MROH2A: variants seen among roughly 807,000 people sequenced by gnomAD.
MROH2A encodes the protein maestro heat-like repeat-containing protein family member 2A.
In MROH2A, 174 loss-of-function variants were observed where a neutral mutation model predicts 200.4. The ratio of observed to expected loss-of-function variants is 0.87; its 90% CI spans 0.77 to 0.98. The LOEUF (loss-of-function observed/expected upper bound fraction) is 0.98, where lower values mean the gene tolerates loss of function less well. Among genes scored for constraint, MROH2A ranks in the 50% least tolerant of loss-of-function variants. The pLI is 0.00. For synonymous variants in MROH2A, 829 were observed against 840.4 expected (o/e 0.99, Z 0.23); for missense variants, 2,045 against 2,139.6 (o/e 0.96, Z 0.87).
At chr2:233,819,752 C>G (rs1340035906) in intron 30 of MROH2A, 150 bp from the exon 31 acceptor site, 1 of 891,714 alleles carries the variant, frequency 1.1e-6, no homozygotes, top group Non-Finnish European at 1.7e-6. Flanking sequence ...GAGGCAGAGA[C>G]CAGAGGATGC....
chr2:233,827,194 C>T (rs1273645006), intron 35 of MROH2A, among the ~76,000 whole-genome samples: 1 of 152,216 alleles, frequency 6.6e-6, no homozygotes, highest in Non-Finnish European at 1.5e-5. Flanking sequence ...ACCAAAAATA[C>T]CATCTGACCC....
intron 15 of MROH2A, among the ~76,000 whole-genome samples, chr2:233,802,813 C>G (rs1453213039): frequency 1.3e-5 from 2 of 152,232 alleles, no homozygotes; most frequent in African/African-American, 2.4e-5. Flanking sequence ...CCAAGGGCAT[C>G]GCTGGTGATG....
chr2:233,805,774 G>A (rs920490423), intron 19 of MROH2A, among the ~76,000 whole-genome samples: 1 of 152,108 alleles, frequency 6.6e-6, no homozygotes, highest in African/African-American at 2.4e-5. Flanking sequence ...CACATTTATG[G>A]GTAATTTATT....
At position 233,828,967 on chromosome 2, in the gene MROH2A, C is replaced by T. The variant is rs765580110; in HGVS notation, c.4341C>T (p.Ala1447=). 2.8e-5 allele frequency: 44 copies of T among 1,550,384 alleles called. No homozygotes were observed. Among genetic ancestry groups the T allele is most frequent in the Non-Finnish European group, 3.6e-5 (41 of 1,146,978 alleles). ...AGCCCGTGAGCAACAGCGTGACTGC[C>T]GAGGGCATGGAGGCCCTGACCAAGA... ...LREPVSNSVT[A]EGMEALTKIL... Residue 1447 remains alanine, a synonymous_variant, in exon 37 of 42, where the codon GCC becomes GCT. Transcript: ENST00000389758. The surrounding 1 kb of genome is among the most constrained non-coding windows in gnomAD (Gnocchi z 4.6).
chr2:233,794,287 G>A, intron 7 of MROH2A, 76 bp from the exon 8 acceptor site: 13 of 1,108,476 alleles, frequency 1.2e-5, no homozygotes, highest in Non-Finnish European at 1.6e-5. Context: ...CTTGGATTCT[G>A]TGGCTGGGGC....
At chr2:233,789,752 C>T (rs919050173) in intron 4 of MROH2A, 100 bp from the exon 5 acceptor site, 3 of 1,478,424 alleles carry the variant, frequency 2.0e-6, no homozygotes, top group Non-Finnish European at 2.7e-6. Flanking sequence ...AAGGCTGAGC[C>T]CAAGGGAACC....
chr2:233,794,783 T>C (rs1702001574), intron 8 of MROH2A, among the ~76,000 whole-genome samples: 1 of 152,204 alleles, frequency 6.6e-6, no homozygotes, highest in South Asian at 2.1e-4. Context: ...TTAGGGTTGC[T>C]GTAACAAAGA....
In MROH2A at chr2:233,807,368, C is replaced by T. The variant is rs537392954; in HGVS notation, c.2053-55C>T. On this transcript the variant is annotated intron_variant, in intron 19 of 41. Coordinates refer to ENST00000389758, the MANE Select transcript of MROH2A (RefSeq NM_001394639.1). This position sits in a 1 kb window ranked among gnomAD's most constrained non-coding sequence, Gnocchi z 4.3. ...TAGAAAACTCTCTACAACAGCACCC[C>T]CTGAAGGCTGGCTGTAGGGAGGCCT... 2 of 1,510,250 alleles carry T rather than the reference C, an allele frequency of 1.3e-6. No individual in the cohort carries two copies. The highest frequency in any genetic ancestry group is 1.8e-6 in the Non-Finnish European group (2 of 1,124,902). The allele number at this position is 1,510,250 out of a possible 1,614,324, so 93.6% of individuals were successfully genotyped here. A position where few individuals can be genotyped will look rare whatever the true frequency, so the allele number is the denominator to read the frequency against.
intron 35 of MROH2A, among the ~76,000 whole-genome samples, chr2:233,826,033 T>C (rs1704284575): frequency 6.7e-6 from 1 of 148,520 alleles, no homozygotes; most frequent in Non-Finnish European, 1.5e-5. Flanking sequence ...CAAGCAATTC[T>C]CCTGCCTCAG....
intron 11 of MROH2A, among the ~76,000 whole-genome samples, chr2:233,798,131 C>G (rs1173596361): frequency 6.6e-6 from 1 of 152,196 alleles, no homozygotes; most frequent in East Asian, 1.9e-4. Flanking sequence ...TCCATCCACA[C>G]CAGCCCTCTC....
intron 26 of MROH2A, among the ~76,000 whole-genome samples, chr2:233,816,003 T>A (rs1012531349): frequency 1.3e-5 from 2 of 152,222 alleles, no homozygotes; most frequent in African/African-American, 4.8e-5. Context: ...CGAGAATCTT[T>A]CTGGTTTGGA....
In MROH2A at chr2:233,800,253, G is replaced by A. The variant is rs1401463013; in HGVS notation, c.1498G>A (p.Val500Ile). 7.1e-6 allele frequency: 11 copies of A among 1,550,138 alleles called. No homozygotes were observed. Among genetic ancestry groups the A allele is most frequent in the African/African-American group, 1.4e-5 (1 of 73,032 alleles). Residue 500 changes from valine to isoleucine, a missense_variant, in exon 14 of 42, where the codon GTC becomes ATC. Val to Ile is a conservative substitution (Grantham distance 29). This residue lies in a region of MROH2A where 831 missense variants were observed against 800.0 expected (regional missense o/e 1.04). Transcript: ENST00000389758. ...FYQRDLEERMVHKVTMDTVKI... is the reference protein window; with the variant it reads ...FYQRDLEERMIHKVTMDTVKI... ...TCAGAGGGACTTGGAGGAGAGGATG[G>A]TCCACAAAGTCACCATGGACACTGT...
In MROH2A at chr2:233,816,913, C is replaced by A. The variant is rs369317554; in HGVS notation, c.2961+28C>A. On this transcript the variant is annotated intron_variant, in intron 27 of 41. Coordinates refer to ENST00000389758, the MANE Select transcript of MROH2A (RefSeq NM_001394639.1). Reference sequence around the variant, plus strand: ...GAGTCCAGGAGTCCCCAGCCCCCAGCCTGCTGCTCTGACATGCACAGAAAA... The same window carrying A: ...GAGTCCAGGAGTCCCCAGCCCCCAGACTGCTGCTCTGACATGCACAGAAAA... 171 of 1,361,844 alleles carry A rather than the reference C, an allele frequency of 1.3e-4. 2 individuals are homozygous for A. Among genetic ancestry groups the A allele is most frequent in the South Asian group, 1.2e-3 (97 of 79,096 alleles). The allele number at this position is 1,361,844 out of a possible 1,614,324, so 84.4% of individuals were successfully genotyped here. A position where few individuals can be genotyped will look rare whatever the true frequency, so the allele number is the denominator to read the frequency against.
chr2:233,818,557 C>T (rs1703707983), intron 28 of MROH2A, 95 bp from the exon 29 acceptor site: 1 of 780,458 alleles, frequency 1.3e-6, no homozygotes, highest in Non-Finnish European at 2.2e-6. Context: ...GAGGGTGGCT[C>T]AGGCCTGCAA....
At chr2:233,810,678 T>C in intron 22 of MROH2A, 116 bp from the exon 23 acceptor site, 1 of 1,334,516 alleles carries the variant, frequency 7.5e-7, no homozygotes, top group Non-Finnish European at 1.0e-6. Context: ...CTCAGAGCAT[T>C]CAACATTAAA....
rs1294952637 is a variant in MROH2A at position 233,813,795 on chromosome 2, T to A, written c.2760+17T>A. 2 of 1,422,052 alleles carry A rather than the reference T, an allele frequency of 1.4e-6. No individual in the cohort carries two copies. Among genetic ancestry groups the A allele is most frequent in the Non-Finnish European group, 1.9e-6 (2 of 1,031,598 alleles). The allele number at this position is 1,422,052 out of a possible 1,614,324, so 88.1% of individuals were successfully genotyped here. On this transcript the variant is annotated intron_variant, in intron 25 of 41. Transcript: ENST00000389758. ...TCCATTAAGGTAGGTCCCTCTGGGA[T>A]GCCTCATTTGCTGGGTCAGGACCTG...
chr2:233,802,369 G>C, intron 15 of MROH2A, 54 bp downstream of exon 15: 2 of 1,505,756 alleles, frequency 1.3e-6, no homozygotes, highest in South Asian at 2.6e-5. Context: ...CTGGCTCCTT[G>C]TCTGGGAATG....
In MROH2A at chr2:233,800,240, G is replaced by A; in HGVS notation, c.1485G>A (p.Leu495=). 1 of 1,550,126 alleles carries A rather than the reference G, an allele frequency of 6.5e-7. No individual in the cohort carries two copies. Among genetic ancestry groups the A allele is most frequent in the Non-Finnish European group, 8.7e-7 (1 of 1,146,752 alleles). ...GGGAGAAGTTTTATCAGAGGGACTT[G>A]GAGGAGAGGATGGTCCACAAAGTCA... ...NRREKFYQRD[L]EERMVHKVTM... Residue 495 remains leucine (L), a synonymous_variant, in exon 14 of 42, where the codon TTG becomes TTA. Coordinates refer to ENST00000389758, the MANE Select transcript of MROH2A (RefSeq NM_001394639.1).
At chr2:233,788,394 A>G (rs1701506422) in intron 3 of MROH2A, among the ~76,000 whole-genome samples, 1 of 151,004 alleles carries the variant, frequency 6.6e-6, no homozygotes, top group African/African-American at 2.4e-5. Flanking sequence ...GGGATTTCTG[A>G]TTGGAGTTTT....
Sources: allele counts gnomAD v4.1 joint callset (sites outside exome capture counted in the v4.1 genomes callset), GRCh38; gene constraint gnomAD v4.1.1; regional missense constraint gnomAD v4.1.1; non-coding constraint Gnocchi (gnomAD v3.1); transcripts MANE v1.5; gene names NCBI Gene and HGNC (gene_info 2026-07-23, HGNC 2026-07-21).